The following CDIN1 variants were observed in gnomAD, a reference collection of about 807,000 sequenced individuals.
The protein encoded by CDIN1 is CDAN1 interacting nuclease 1, also known as CDAN1-interacting nuclease 1.
A neutral mutation model predicts 45.3 loss-of-function variants in CDIN1; 33 were observed. That is an observed-to-expected ratio of 0.73 (90% CI 0.55 to 0.97). The LOEUF is 0.97. Ranked by LOEUF, CDIN1 falls within the 50% of genes least tolerant of loss-of-function variation. The probability of loss-of-function intolerance (pLI) is 0.00; values close to 1 mark genes in which losing one functional copy is unlikely to be tolerated. For synonymous variants in CDIN1, 118 were observed against 124.4 expected (o/e 0.95, Z 0.34); for missense variants, 303 against 339.4 (o/e 0.89, Z 0.84).
rs543315585 is a variant in CDIN1 at position 36,750,905 on chromosome 15, C to A, written c.716+40944C>A. Among the ~76,000 whole-genome samples, 6 of 151,998 alleles carry A rather than the reference C, an allele frequency of 3.9e-5. No homozygotes were observed. The East Asian group carries it at 1.2e-3, about 29-fold the overall frequency. On this transcript the variant is annotated intron_variant, in intron 10 of 10. Coordinates refer to ENST00000566621, the MANE Select transcript of CDIN1 (RefSeq NM_001321759.2). The stretch of plus-strand genomic sequence containing the variant: ...GGAGGTGTGGGGCTAGTTGGGTGGA[C>A]AACTCAGAGGTAAAAAAGCAAACAA...
intron 1 of CDIN1, chr15:36,591,761 G>T (rs1441111490): frequency 1.3e-5 from 2 of 152,170 alleles, no homozygotes; most frequent in African/African-American, 2.4e-5. Context: ...AGATAATTTG[G>T]TCAAATCTGT....
intron 10 of CDIN1, among the ~76,000 whole-genome samples, chr15:36,806,149 G>A (rs1219088827): frequency 3.3e-5 from 5 of 152,176 alleles, no homozygotes; most frequent in Non-Finnish European, 5.9e-5. Flanking sequence ...ACCACTGCAT[G>A]AAATGTTCAG....
chr15:36,800,334 A>AGTT (rs1340586960), intron 10 of CDIN1, among the ~76,000 whole-genome samples: 1 of 152,182 alleles, frequency 6.6e-6, no homozygotes, highest in Admixed American at 6.6e-5. Context: ...GAAACAACCA[A>AGTT]GTTATCATAT....
At chr15:36,645,340 A>T (rs2040273376) in intron 3 of CDIN1, 53 bp downstream of exon 3, 1 of 1,306,228 alleles carries the variant, frequency 7.7e-7, no homozygotes, top group Non-Finnish European at 1.1e-6. Flanking sequence ...TAATTGTAAT[A>T]ATAATTATGA....
rs927431027 is a variant in CDIN1, at chr15:36,774,164, G to GCGCGCA, written c.717-34155_717-34154insACGCGC. Among the ~76,000 whole-genome samples the GCGCGCA allele has an allele frequency of 3.7e-3, 40 of 10,874 alleles. 1 individual carries two copies. The East Asian group carries it at 0.16, about 42-fold the overall frequency. 7.1% of individuals were successfully genotyped at this position (10,874 alleles called of 152,430 possible). ...TGTGTGTGTGTGTGTGTGTGTGTGT[G>GCGCGCA]CGCGCGCGCGCATGCATGAGGGGAG... On this transcript the variant is annotated intron_variant, in intron 10 of 10. Coordinates refer to ENST00000566621, the MANE Select transcript of CDIN1 (RefSeq NM_001321759.2).
intron 5 of CDIN1, among the ~76,000 whole-genome samples, chr15:36,673,495 A>G (rs1410954021): frequency 6.6e-6 from 1 of 152,050 alleles, no homozygotes; most frequent in African/African-American, 2.4e-5. Context: ...ATTATTGTTT[A>G]TTGCATTCCT....
intron 10 of CDIN1, among the ~76,000 whole-genome samples, chr15:36,801,673 A>C (rs1166816523): frequency 1.3e-5 from 2 of 152,082 alleles, no homozygotes; most frequent in East Asian, 3.9e-4. Flanking sequence ...CTGCCCCATA[A>C]CTTCTGAACC....
intron 1 of CDIN1, among the ~76,000 whole-genome samples, chr15:36,620,323 C>G (rs982059713): frequency 6.6e-6 from 1 of 152,040 alleles, no homozygotes; most frequent in African/African-American, 2.4e-5. Context: ...CGCACTCCAG[C>G]CTGGGCGACA....
intron 8 of CDIN1, among the ~76,000 whole-genome samples, chr15:36,703,401 A>ATATC (rs67311485): frequency 0.48 from 28,818 of 59,888 alleles, 10,672 homozygotes; most frequent in Middle Eastern, 0.62. Flanking sequence ...ATATATATAT[A>ATATC]TGATATACAT....
chr15:36,807,023 A>G (rs984813920), intron 10 of CDIN1, among the ~76,000 whole-genome samples: 8 of 152,198 alleles, frequency 5.3e-5, no homozygotes, highest in African/African-American at 1.7e-4. Context: ...TACATCTTCT[A>G]GAACAAGATC....
chr15:36,807,566 T>G (rs187010230), intron 10 of CDIN1, among the ~76,000 whole-genome samples: 1 of 152,286 alleles, frequency 6.6e-6, no homozygotes, highest in African/African-American at 2.4e-5. Flanking sequence ...TTCCTGAGTC[T>G]GCCTGGCGGG....
chr15:36,728,982 A>AT (rs1303313147), intron 10 of CDIN1, among the ~76,000 whole-genome samples: 4 of 152,188 alleles, frequency 2.6e-5, no homozygotes, highest in Admixed American at 1.3e-4. Context: ...CCAAACAATT[A>AT]TTTTTTAATG....
intron 1 of CDIN1, among the ~76,000 whole-genome samples, chr15:36,622,071 T>C (rs1248621564): frequency 4.6e-5 from 7 of 152,244 alleles, no homozygotes; most frequent in Admixed American, 2.0e-4. Flanking sequence ...TAGAATTTTA[T>C]GTGTGGAAAA....
intron 8 of CDIN1, among the ~76,000 whole-genome samples, chr15:36,703,386 CAGATATATATATATA>C (rs767004404): frequency 0.15 from 2,536 of 16,786 alleles, 181 homozygotes; most frequent in East Asian, 0.33. Context: ...ATATATATAT[CAGATATATATATATA>C]TGATATACAT....
chr15:36,621,201 G>T (rs1225058412), intron 1 of CDIN1, among the ~76,000 whole-genome samples: 4 of 152,142 alleles, frequency 2.6e-5, no homozygotes, highest in Admixed American at 2.0e-4. Context: ...TGTAAATTGT[G>T]AATACTGGAA....
At chr15:36,657,727 C>A in intron 4 of CDIN1, 106 bp from the exon 5 acceptor site, 3 of 831,722 alleles carry the variant, frequency 3.6e-6, no homozygotes, top group South Asian at 1.8e-5. Flanking sequence ...ATGATGCTTG[C>A]TATGGTTGAT....
intron 10 of CDIN1, among the ~76,000 whole-genome samples, chr15:36,797,590 T>C (rs903932470): frequency 3.9e-5 from 6 of 152,186 alleles, no homozygotes; most frequent in African/African-American, 7.2e-5. Flanking sequence ...CTAGACAGAA[T>C]AGATTCCTAC....
chr15:36,647,200 A>G (rs2040369746), intron 3 of CDIN1, among the ~76,000 whole-genome samples: 1 of 151,618 alleles, frequency 6.6e-6, no homozygotes, highest in South Asian at 2.1e-4. Flanking sequence ...ATTAAAAAAA[A>G]AAGTTTATAG....
Position 36,579,679 on chromosome 15 carries a change from G to C in CDIN1, c.-182G>C, listed in dbSNP as rs577158046. 6.4e-5 allele frequency: 36 copies of C among 562,632 alleles called. No individual in the cohort carries two copies. The Admixed American group carries it at 7.0e-4, about 11-fold the overall frequency. The allele number at this position is 562,632 out of a possible 1,614,324, so 34.9% of individuals were successfully genotyped here. A position where few individuals can be genotyped will look rare whatever the true frequency, so the allele number is the denominator to read the frequency against. The stretch of plus-strand genomic sequence containing the variant: ...GGAGGTGCCGGTGGAGCCTGGGACC[G>C]GGCGAGTCTCCGCCCCGCTTTTGCA... On this transcript the variant is annotated 5_prime_UTR_variant, in exon 1 of 11. Coordinates refer to ENST00000566621, the MANE Select transcript of CDIN1 (RefSeq NM_001321759.2).
Sources: gnomAD v4.1 joint callset for allele counts (sites outside exome capture counted in the v4.1 genomes callset) on GRCh38, gnomAD v4.1.1 for gene constraint, MANE v1.5 for transcripts, NCBI Gene and HGNC (gene_info 2026-07-23, HGNC 2026-07-21) for gene names.